MEIS2: variants seen among roughly 807,000 people sequenced by gnomAD.
MEIS2 encodes the protein homeobox protein Meis2.
MEIS2 carries 9 observed loss-of-function variants against 58.6 expected under a neutral mutation model. The observed-to-expected ratio is 0.15, with a 90% CI of 0.09 to 0.27. The LOEUF (loss-of-function observed/expected upper bound fraction) is 0.27, where lower values mean the gene tolerates loss of function less well. Ranked by LOEUF, MEIS2 falls within the 10% of genes least tolerant of loss-of-function variation. The pLI is 1.00. For missense variants in MEIS2, 427 were observed against 635.0 expected (o/e 0.67, Z 3.52); for synonymous variants, 221 against 228.4 (o/e 0.97, Z 0.29).
rs2061858580 is a variant in MEIS2 at position 37,030,244 on chromosome 15, A to G, written c.900+6570T>C. Among the ~76,000 whole-genome samples, 6 of 152,292 alleles carry G rather than the reference A, an allele frequency of 3.9e-5. No individual in the cohort carries two copies. In the South Asian group the frequency reaches 1.2e-3, roughly 32 times the overall value. Reference sequence around the variant, plus strand: ...AGTTCACTAGGATGCTCTGGCTTTCATGACACCAGGACTCTCTAATGCTAT... The same window carrying G: ...AGTTCACTAGGATGCTCTGGCTTTCGTGACACCAGGACTCTCTAATGCTAT... On this transcript the variant is annotated intron_variant, in intron 8 of 11. Coordinates refer to ENST00000561208, the MANE Select transcript of MEIS2 (RefSeq NM_170675.5).
intron 7 of MEIS2, among the ~76,000 whole-genome samples, chr15:37,083,107 T>C (rs992380439): frequency 6.6e-6 from 1 of 152,162 alleles, no homozygotes; most frequent in Non-Finnish European, 1.5e-5. Flanking sequence ...CTCTGTGCAA[T>C]AGGTGAGTTT....
intron 7 of MEIS2, among the ~76,000 whole-genome samples, chr15:37,042,157 A>G (rs2062454941): frequency 6.6e-6 from 1 of 152,222 alleles, no homozygotes; most frequent in Admixed American, 6.5e-5. Context: ...TCTCAAAAAG[A>G]AAGGAAAAAG....
intron 9 of MEIS2, among the ~76,000 whole-genome samples, chr15:36,905,903 T>A (rs2056710642): frequency 6.6e-6 from 1 of 152,130 alleles, no homozygotes; most frequent in Admixed American, 6.6e-5. Flanking sequence ...AACACACAAA[T>A]AATTACAAGT....
At chr15:37,047,195 A>G (rs2062711383) in intron 7 of MEIS2, among the ~76,000 whole-genome samples, 1 of 152,144 alleles carries the variant, frequency 6.6e-6, no homozygotes, top group Admixed American at 6.6e-5. Flanking sequence ...TCCACAGTTA[A>G]CACTCATATT....
At chr15:36,934,661 A>G (rs1460506801) in intron 9 of MEIS2, among the ~76,000 whole-genome samples, 1 of 152,174 alleles carries the variant, frequency 6.6e-6, no homozygotes, top group Admixed American at 6.5e-5. Context: ...CTCCTGTATG[A>G]GCTTTGCCTA....
At chr15:36,950,239 G>GAAAAA in intron 9 of MEIS2, 85 bp downstream of exon 9, 1 of 1,010,902 alleles carries the variant, frequency 9.9e-7, no homozygotes, top group East Asian at 2.8e-5. Context: ...ATTTGTTTTA[G>GAAAAA]AAAAAAAAAA....
chr15:37,021,806 C>T (rs978744998), intron 8 of MEIS2, among the ~76,000 whole-genome samples: 3 of 152,152 alleles, frequency 2.0e-5, no homozygotes, highest in African/African-American at 7.2e-5. Flanking sequence ...GATCTCCCTA[C>T]CCAAGGATAA....
At chr15:37,019,117 T>A (rs1260339175) in intron 8 of MEIS2, among the ~76,000 whole-genome samples, 2 of 152,232 alleles carry the variant, frequency 1.3e-5, no homozygotes, top group East Asian at 3.9e-4. Flanking sequence ...ATAGACTGTT[T>A]TACATATTCT....
At chr15:36,979,530 A>T (rs1161040373) in intron 8 of MEIS2, among the ~76,000 whole-genome samples, 1 of 151,726 alleles carries the variant, frequency 6.6e-6, no homozygotes, top group Non-Finnish European at 1.5e-5. Context: ...GTTGGGATAA[A>T]CTTTTTTTTC....
At chr15:36,971,823 G>A (rs1211568357) in intron 8 of MEIS2, among the ~76,000 whole-genome samples, 3 of 152,120 alleles carry the variant, frequency 2.0e-5, no homozygotes, top group African/African-American at 4.8e-5. Flanking sequence ...CATAAAGGGA[G>A]ATTTTCACAT....
At chr15:36,900,098 G>A (rs971407937) in intron 9 of MEIS2, among the ~76,000 whole-genome samples, 1 of 152,146 alleles carries the variant, frequency 6.6e-6, no homozygotes, top group Non-Finnish European at 1.5e-5. Flanking sequence ...TGATTTCGAA[G>A]TTGCAGGCAT....
At chr15:36,968,966 C>T (rs1011925793) in intron 8 of MEIS2, among the ~76,000 whole-genome samples, 11 of 152,302 alleles carry the variant, frequency 7.2e-5, no homozygotes, top group South Asian at 2.1e-4. Flanking sequence ...CTCCTCACTT[C>T]GCTTTCTCAT....
intron 8 of MEIS2, among the ~76,000 whole-genome samples, chr15:36,996,875 C>T (rs1333318797): frequency 1.3e-5 from 2 of 152,170 alleles, no homozygotes; most frequent in Non-Finnish European, 2.9e-5. Context: ...GAGTAACTCT[C>T]CATATTACAT....
intron 6 of MEIS2, among the ~76,000 whole-genome samples, chr15:37,088,498 G>A (rs929378815): frequency 1.3e-5 from 2 of 152,222 alleles, no homozygotes; most frequent in South Asian, 2.1e-4. Flanking sequence ...CTATCTTGGG[G>A]TACTGAAGTC....
intron 7 of MEIS2, among the ~76,000 whole-genome samples, chr15:37,066,032 C>G (rs1332652916): frequency 6.6e-6 from 1 of 152,166 alleles, no homozygotes; most frequent in East Asian, 1.9e-4. Context: ...CTCTTGTATT[C>G]TTTGCCATTT....
intron 9 of MEIS2, among the ~76,000 whole-genome samples, chr15:36,935,490 A>G (rs1014313613): frequency 2.6e-5 from 4 of 152,134 alleles, no homozygotes; most frequent in Non-Finnish European, 5.9e-5. Context: ...TTAATTTTTC[A>G]AAACATTCAT....
intron 7 of MEIS2, among the ~76,000 whole-genome samples, chr15:37,052,564 G>A (rs2062967132): frequency 6.6e-6 from 1 of 152,178 alleles, no homozygotes; most frequent in African/African-American, 2.4e-5. Flanking sequence ...AATGCCTTAT[G>A]GCTTTGAACC....
chr15:37,023,296 T>A (rs2061588279), intron 8 of MEIS2, among the ~76,000 whole-genome samples: 1 of 152,306 alleles, frequency 6.6e-6, no homozygotes, highest in African/African-American at 2.4e-5. Context: ...GCCTTTAAAA[T>A]TAGTAAATTT....
chr15:37,025,810 A>T (rs570969299), intron 8 of MEIS2, among the ~76,000 whole-genome samples: 1 of 152,226 alleles, frequency 6.6e-6, no homozygotes, highest in African/African-American at 2.4e-5. Flanking sequence ...AACAAAGGTC[A>T]TATTAAAAAC....
Sources: allele counts gnomAD v4.1 joint callset (sites outside exome capture counted in the v4.1 genomes callset), GRCh38; gene constraint gnomAD v4.1.1; transcripts MANE v1.5; gene names NCBI Gene and HGNC (gene_info 2026-07-23, HGNC 2026-07-21).